ATP13A5: variants seen among roughly 807,000 people sequenced by gnomAD.
ATP13A5 encodes probable cation-transporting ATPase 13A5.
A neutral mutation model predicts 150.2 loss-of-function variants in ATP13A5; 149 were observed. The observed-to-expected ratio is 0.99, with a 90% confidence interval of 0.87 to 1.14. ATP13A5 has a LOEUF of 1.14. ATP13A5 is among the 50% of genes most tolerant of loss of function. The pLI, the probability that ATP13A5 is intolerant of heterozygous loss-of-function variation, is 0.00. For synonymous variants in ATP13A5, 497 were observed against 522.2 expected (o/e 0.95, Z 0.66); for missense variants, 1,383 against 1,449.3 (o/e 0.95, Z 0.74).
At chr3:193,290,562 C>T (rs371407920) in intron 25 of ATP13A5, among the ~76,000 whole-genome samples, 1 of 152,070 alleles carries the variant, frequency 6.6e-6, no homozygotes, top group Non-Finnish European at 1.5e-5. Context: ...TGTCAATGAG[C>T]CAGGCACTGT....
chr3:193,358,796 G>A (rs1197003832), intron 5 of ATP13A5, among the ~76,000 whole-genome samples: 1 of 152,124 alleles, frequency 6.6e-6, no homozygotes, highest in Non-Finnish European at 1.5e-5. Flanking sequence ...GCATTCCCAG[G>A]CATAGGGATG....
rs771548646 is a variant in ATP13A5 at position 193,314,182 on chromosome 3, G to A, written c.2170C>T (p.Gln724Ter). ...RTVMITGDNL[Q>*]TAITVAKNSE... Reference sequence around the variant, plus strand: ...TTCTTTGCAACAGTAATGGCCGTTTGAAGGTTATCACCTAGAAGACAAAGA... The same window carrying A: ...TTCTTTGCAACAGTAATGGCCGTTTAAAGGTTATCACCTAGAAGACAAAGA... Residue 724 changes from glutamine to a stop codon, truncating the protein, a stop_gained, in exon 19 of 30, where the codon CAA becomes TAA. Transcript: ENST00000342358. LOFTEE classifies it high-confidence loss of function. 6.2e-7 allele frequency: 1 copy of A among 1,613,746 alleles called. No individual in the cohort carries two copies. Among genetic ancestry groups the A allele is most frequent in the South Asian group, 1.1e-5 (1 of 91,044 alleles).
chr3:193,344,479 A>C (rs1712249962), intron 8 of ATP13A5, among the ~76,000 whole-genome samples: 1 of 152,104 alleles, frequency 6.6e-6, no homozygotes, highest in Non-Finnish European at 1.5e-5. Flanking sequence ...CTCCTTGCAA[A>C]AAGCCACAGC....
At chr3:193,305,472 T>A in intron 23 of ATP13A5, 87 bp downstream of exon 23, 1 of 1,059,950 alleles carries the variant, frequency 9.4e-7, no homozygotes, top group Admixed American at 1.7e-5. Flanking sequence ...GCAGCATTTA[T>A]CACTTTAGCT....
At chr3:193,373,976 C>A (rs1713542710) in intron 1 of ATP13A5, among the ~76,000 whole-genome samples, 1 of 152,288 alleles carries the variant, frequency 6.6e-6, no homozygotes, top group Admixed American at 6.5e-5. Flanking sequence ...AGAAGGGGAA[C>A]ACAGATGGAA....
chr3:193,285,847 C>T (rs1025141135), intron 26 of ATP13A5, among the ~76,000 whole-genome samples: 1 of 152,068 alleles, frequency 6.6e-6, no homozygotes, highest in Non-Finnish European at 1.5e-5. Context: ...TACTAGTGCC[C>T]ACAAAAGTAA....
intron 19 of ATP13A5, 59 bp from the exon 20 acceptor site, chr3:193,312,000 A>T: frequency 6.3e-7 from 1 of 1,581,306 alleles, no homozygotes; most frequent in Middle Eastern, 1.7e-4. Flanking sequence ...CTGCTTTCCT[A>T]TGCGTTATTG....
At chr3:193,301,505 A>C (rs1718394699) in intron 23 of ATP13A5, among the ~76,000 whole-genome samples, 198 bp from the exon 24 acceptor site, 1 of 152,148 alleles carries the variant, frequency 6.6e-6, no homozygotes. Context: ...CGGTTCATTT[A>C]CTCACTTTTA....
At chr3:193,375,804 G>T (rs113641884) in intron 1 of ATP13A5, among the ~76,000 whole-genome samples, 2 of 152,166 alleles carry the variant, frequency 1.3e-5, no homozygotes, top group South Asian at 4.1e-4. Flanking sequence ...TCTCCATGCT[G>T]AGCTCAGCAG....
intron 12 of ATP13A5, 34 bp downstream of exon 12, chr3:193,331,089 C>A: frequency 4.4e-6 from 7 of 1,592,078 alleles, no homozygotes; most frequent in Non-Finnish European, 6.0e-6. Flanking sequence ...GCCTTGAAAT[C>A]ATTAACATTA....
rs545858349 is a variant in ATP13A5 at position 193,357,906 on chromosome 3, T to C, written c.537-3710A>G. Among the ~76,000 whole-genome samples, 3 of 152,296 alleles carry C rather than the reference T, an allele frequency of 2.0e-5. No homozygotes were observed. In the South Asian group the frequency reaches 6.2e-4, roughly 32 times the overall value. On this transcript the variant is annotated intron_variant, in intron 5 of 29. Coordinates refer to ENST00000342358, the MANE Select transcript of ATP13A5 (RefSeq NM_198505.4). ...TTTATTTATTTCTGAGAAAACAAAA[T>C]GCAGATGACTAGGAGGACTTTCTCT...
At chr3:193,333,589 C>A (rs1378914710) in intron 11 of ATP13A5, among the ~76,000 whole-genome samples, 161 bp downstream of exon 11, 1 of 152,180 alleles carries the variant, frequency 6.6e-6, no homozygotes, top group Admixed American at 6.6e-5. Flanking sequence ...ACACTGGGGG[C>A]AAACTAGGCA....
chr3:193,342,070 C>A (rs767627566), intron 9 of ATP13A5, among the ~76,000 whole-genome samples: 1 of 152,180 alleles, frequency 6.6e-6, no homozygotes, highest in Non-Finnish European at 1.5e-5. Context: ...TTACCTCACT[C>A]TCCTCATTTG....
chr3:193,362,583 G>T lies in ATP13A5; in HGVS notation c.439C>A (p.Arg147=), dbSNP rs149501118. The part of the protein sequence containing the change: ...IRYVWNDLEK[R]FQKVGLLEDS... ...TGTACTTACCCAACTTTCTGAAACC[G>T]CTTCTCCAGGTCGTTCCAAACATAC... Residue 147 remains arginine (R), a synonymous_variant, in exon 4 of 30, where the codon CGG becomes AGG. Coordinates refer to ENST00000342358, the MANE Select transcript of ATP13A5 (RefSeq NM_198505.4). 3 of 1,614,086 alleles carry T rather than the reference G, an allele frequency of 1.9e-6. No individual in the cohort carries two copies. Among genetic ancestry groups the T allele is most frequent in the South Asian group, 2.2e-5 (2 of 91,074 alleles).
Position 193,284,924 on chromosome 3 carries a change from G to C in ATP13A5, c.3216C>G (p.Ile1072Met). The change falls in exon 27 of 30, where the codon ATC becomes ATG. Residue 1072 changes from isoleucine (I) to methionine (M), a missense_variant. Ile to Met is a conservative substitution (Grantham distance 10). Transcript: ENST00000342358. ...FSKGKPFRKP[I>M]YTNYIFSFLL... Reference sequence around the variant, plus strand: ...ACTTTATATACTTACAGTTTGTATAGATGGGTTTTCGAAATGGCTTTCCCT... The same window carrying C: ...ACTTTATATACTTACAGTTTGTATACATGGGTTTTCGAAATGGCTTTCCCT... 6.2e-7 allele frequency: 1 copy of C among 1,612,898 alleles called. No homozygotes were observed. The highest frequency in any genetic ancestry group is 8.5e-7 in the Non-Finnish European group (1 of 1,179,146).
chr3:193,318,681 G>A (rs1235793735), intron 17 of ATP13A5, among the ~76,000 whole-genome samples: 1 of 152,178 alleles, frequency 6.6e-6, no homozygotes, highest in Non-Finnish European at 1.5e-5. Context: ...AGCGTTGGTT[G>A]TTTTGATGGG....
chr3:193,353,318 T>TA (rs5855482), intron 6 of ATP13A5, among the ~76,000 whole-genome samples: 136,736 of 148,456 alleles, frequency 0.92, 63,080 homozygotes, highest in Middle Eastern at 0.97. Flanking sequence ...AGGTAAGCAT[T>TA]AAAAAAAAAA....
rs149544575 is a variant in ATP13A5, at chr3:193,348,307, A to G, written c.741+2760T>C. Among the ~76,000 whole-genome samples, 293 of 152,272 alleles carry G rather than the reference A, an allele frequency of 1.9e-3. 2 individuals are homozygous for G. Among genetic ancestry groups the G allele is most frequent in the Non-Finnish European group, 3.4e-3 (234 of 68,018 alleles). ...TCGTTATTATTCAGCATCTGTTGCT[A>G]CGTGCCCTTGTGTTTGTCGTGGCTG... On this transcript the variant is annotated intron_variant, in intron 7 of 29. Transcript: ENST00000342358.
intron 9 of ATP13A5, among the ~76,000 whole-genome samples, chr3:193,341,839 T>G (rs1205933866): frequency 6.6e-6 from 1 of 152,154 alleles, no homozygotes; most frequent in Non-Finnish European, 1.5e-5. Context: ...GACAATAGCA[T>G]AAGGCTAAGG....
Sources: gnomAD v4.1 joint callset for allele counts (sites outside exome capture counted in the v4.1 genomes callset) on GRCh38, gnomAD v4.1.1 for gene constraint, MANE v1.5 for transcripts, NCBI Gene and HGNC (gene_info 2026-07-23, HGNC 2026-07-21) for gene names.